CTXND1: variants seen among roughly 807,000 people sequenced by gnomAD.
CTXND1 encodes cortexin domain-containing 1 protein.
At chr15:80,239,987 C>T (rs144221057) in intron 1 of CTXND1, among the ~76,000 whole-genome samples, 2,221 of 152,142 alleles carry the variant, frequency 0.015, 23 homozygotes, top group Middle Eastern at 0.024. Context: ...ATTTTTGAGA[C>T]GGAGTTTTGC....
chr15:80,212,939 G>T (rs1246281595), intron 1 of CTXND1, among the ~76,000 whole-genome samples: 1 of 152,230 alleles, frequency 6.6e-6, no homozygotes, highest in African/African-American at 2.4e-5. Flanking sequence ...TGGGCAGAAA[G>T]GGTGGAGACT....
intron 1 of CTXND1, among the ~76,000 whole-genome samples, chr15:80,240,842 A>G (rs1457513853): frequency 6.6e-6 from 1 of 152,166 alleles, no homozygotes; most frequent in East Asian, 1.9e-4. Flanking sequence ...CAGCCATATG[A>G]ATCTCAGTCA....
intron 1 of CTXND1, among the ~76,000 whole-genome samples, chr15:80,243,127 C>T (rs1357366117): frequency 6.6e-6 from 1 of 152,194 alleles, no homozygotes; most frequent in East Asian, 1.9e-4. Context: ...GTTCCCTTGA[C>T]CTGCCACCCA....
rs1280251294 is a variant in CTXND1 at position 80,195,636 on chromosome 15, C to G, written c.*6134G>C. On this transcript the variant is annotated 3_prime_UTR_variant, in exon 3 of 3. Coordinates refer to ENST00000560778, the MANE Select transcript of CTXND1 (RefSeq NM_001352888.2). ...AGAGAGAAAAGAGGACCAAACACCC[C>G]CTTCATAACAAACCCACTCTTGAGA... The G allele has an allele frequency of 6.6e-6, 1 of 152,110 alleles. No homozygotes were observed. The highest frequency in any genetic ancestry group is 6.5e-5 in the Admixed American group (1 of 15,278). 9.4% of individuals were successfully genotyped at this position (152,110 alleles called of 1,614,324 possible). A position where few individuals can be genotyped will look rare whatever the true frequency, so the allele number is the denominator to read the frequency against.
intron 1 of CTXND1, among the ~76,000 whole-genome samples, chr15:80,217,284 G>C (rs916908078): frequency 1.8e-4 from 27 of 152,088 alleles, no homozygotes; most frequent in Non-Finnish European, 3.8e-4. Context: ...TCTACAAATA[G>C]ATATCTTAAT....
intron 1 of CTXND1, among the ~76,000 whole-genome samples, chr15:80,249,300 G>A (rs1036340610): frequency 2.6e-5 from 4 of 152,024 alleles, no homozygotes; most frequent in East Asian, 3.9e-4. Flanking sequence ...TTTCCATCAC[G>A]CCATCCTAAG....
At position 80,201,125 on chromosome 15, in the gene CTXND1, C is replaced by G. The variant is rs150836369; in HGVS notation, c.*645G>C. The G allele has an allele frequency of 6.6e-6, 1 of 152,260 alleles. No homozygotes were observed. The highest frequency in any genetic ancestry group is 1.5e-5 in the Non-Finnish European group (1 of 68,010). 9.4% of individuals were successfully genotyped at this position (152,260 alleles called of 1,614,324 possible). ...TTCCTCCCCCTTTCTTTCTATTTATCTGCATTTTCCCAAGTTTCTAAAATG... is the reference window on the plus strand; with the variant it reads ...TTCCTCCCCCTTTCTTTCTATTTATGTGCATTTTCCCAAGTTTCTAAAATG... On this transcript the variant is annotated 3_prime_UTR_variant, in exon 3 of 3. Transcript: ENST00000560778.
At chr15:80,217,522 T>C (rs942916239) in intron 1 of CTXND1, among the ~76,000 whole-genome samples, 4 of 32,222 alleles carry the variant, frequency 1.2e-4, no homozygotes. Context: ...AATAGCTTGC[T>C]TATTTATTTA....
intron 1 of CTXND1, among the ~76,000 whole-genome samples, chr15:80,233,683 A>G (rs985249266): frequency 6.6e-6 from 1 of 152,182 alleles, no homozygotes; most frequent in Non-Finnish European, 1.5e-5. Context: ...GGGGAGCTAG[A>G]CAAGCCCACT....
intron 1 of CTXND1, among the ~76,000 whole-genome samples, chr15:80,236,048 A>G (rs943020478): frequency 7.4e-5 from 11 of 148,114 alleles, no homozygotes; most frequent in African/African-American, 2.8e-4. Flanking sequence ...TCTTAGCACC[A>G]CATTTCCCAA....
At chr15:80,237,322 G>A (rs1295639154) in intron 1 of CTXND1, among the ~76,000 whole-genome samples, 9 of 141,118 alleles carry the variant, frequency 6.4e-5, no homozygotes, top group African/African-American at 8.0e-5. Flanking sequence ...GCGACAGAGC[G>A]AGACAGTGTC....
intron 1 of CTXND1, among the ~76,000 whole-genome samples, chr15:80,241,063 G>T (rs1893559952): frequency 6.6e-6 from 1 of 152,198 alleles, no homozygotes; most frequent in African/African-American, 2.4e-5. Flanking sequence ...GATGCTCATT[G>T]CACCCTCACC....
At chr15:80,222,762 A>T (rs984919832) in intron 1 of CTXND1, among the ~76,000 whole-genome samples, 6 of 152,026 alleles carry the variant, frequency 3.9e-5, no homozygotes, top group Admixed American at 2.0e-4. Flanking sequence ...TTTTTACTGC[A>T]TCTTTTTTAA....
rs556891780 is a variant in CTXND1, at chr15:80,245,634, A to G, written c.-218+6373T>C. Among the ~76,000 whole-genome samples the G allele has an allele frequency of 3.9e-3, 591 of 152,304 alleles. 32 individuals are homozygous for G. The South Asian group carries it at 0.093, about 24-fold the overall frequency. On this transcript the variant is annotated intron_variant, in intron 1 of 2. Transcript: ENST00000560778. ...AGCCACAGAGGCCCACCCAGTTTCAAGGACAGGGGGCATGGACTCTACCTC... is the reference window on the plus strand; with the variant it reads ...AGCCACAGAGGCCCACCCAGTTTCAGGGACAGGGGGCATGGACTCTACCTC...
chr15:80,250,715 G>A (rs12907958), intron 1 of CTXND1, among the ~76,000 whole-genome samples: 36,914 of 152,118 alleles, frequency 0.24, 4,730 homozygotes, highest in African/African-American at 0.3. Context: ...CCTCCTCAAA[G>A]CTGGTACATA....
Position 80,213,555 on chromosome 15 carries a change from C to T in CTXND1, c.-217-9815G>A, listed in dbSNP as rs552330152. Among the ~76,000 whole-genome samples the T allele has an allele frequency of 1.7e-3, 259 of 152,230 alleles. 1 individual carries two copies. Among genetic ancestry groups the T allele is most frequent in the African/African-American group, 5.9e-3 (247 of 41,516 alleles). ...GGAGAGGAGAAGGCAATGTGACCCACAGAAGCAGAGACTGTAATGATGTGG... is the reference window on the plus strand; with the variant it reads ...GGAGAGGAGAAGGCAATGTGACCCATAGAAGCAGAGACTGTAATGATGTGG... On this transcript the variant is annotated intron_variant, in intron 1 of 2. Coordinates refer to ENST00000560778, the MANE Select transcript of CTXND1 (RefSeq NM_001352888.2).
chr15:80,245,624 C>T (rs1267022931), intron 1 of CTXND1, among the ~76,000 whole-genome samples: 1 of 152,050 alleles, frequency 6.6e-6, no homozygotes, highest in African/African-American at 2.4e-5. Context: ...CAGAGGCCCA[C>T]CCAGTTTCAA....
chr15:80,216,303 C>T (rs1030195780), intron 1 of CTXND1, among the ~76,000 whole-genome samples: 1 of 152,184 alleles, frequency 6.6e-6, no homozygotes, highest in African/African-American at 2.4e-5. Flanking sequence ...CCCCTCTGCG[C>T]AGCTACATAA....
At chr15:80,227,413 A>C (rs1463838525) in intron 1 of CTXND1, among the ~76,000 whole-genome samples, 2 of 152,220 alleles carry the variant, frequency 1.3e-5, no homozygotes, top group Non-Finnish European at 2.9e-5. Context: ...TTATTTAGGT[A>C]AACATGCAGG....
Sources: gnomAD v4.1 joint callset for allele counts (sites outside exome capture counted in the v4.1 genomes callset) on GRCh38, gnomAD v4.1.1 for gene constraint, MANE v1.5 for transcripts, NCBI Gene and HGNC (gene_info 2026-07-23, HGNC 2026-07-21) for gene names.